ODAD2: variants seen among roughly 807,000 people sequenced by gnomAD.
ODAD2 encodes the protein outer dynein arm-docking complex subunit 2.
ODAD2 carries 89 observed loss-of-function variants against 106.8 expected under a neutral mutation model. That is an observed-to-expected ratio of 0.83 (90% confidence interval 0.70 to 0.99). The LOEUF is 0.99. ODAD2 is among the 50% of genes least tolerant of loss of function. The pLI is 0.00. For missense variants in ODAD2, 1,168 were observed against 1,238.5 expected, an observed-to-expected ratio of 0.94 and a Z score of 0.85; for synonymous variants, 404 against 436.2, an observed-to-expected ratio of 0.93 and a Z score of 0.92.
At chr10:27,866,491 T>A (rs1244863731) in intron 17 of ODAD2, among the ~76,000 whole-genome samples, 1 of 152,184 alleles carries the variant, frequency 6.6e-6, no homozygotes, top group Non-Finnish European at 1.5e-5. Context: ...TTTCCAAGGA[T>A]CATCTTGGTC....
chr10:27,862,404 G>A (rs1840110874), intron 18 of ODAD2, 30 bp downstream of exon 18: 2 of 1,546,318 alleles, frequency 1.3e-6, no homozygotes, highest in Non-Finnish European at 8.8e-7. Context: ...AGGACAATAT[G>A]CATGTAAAAC....
At chr10:27,827,509 T>C (rs531487224) in intron 19 of ODAD2, among the ~76,000 whole-genome samples, 6 of 151,906 alleles carry the variant, frequency 3.9e-5, no homozygotes, top group Admixed American at 3.3e-4. Flanking sequence ...TCTCTCCTCC[T>C]TAAATCCTGC....
At position 27,944,235 on chromosome 10, in the gene ODAD2, C is replaced by G; in HGVS notation, c.1730G>C (p.Gly577Ala). The G allele has an allele frequency of 6.2e-7, 1 of 1,612,080 alleles. No homozygotes were observed. Among genetic ancestry groups the G allele is most frequent in the Non-Finnish European group, 8.5e-7 (1 of 1,179,606 alleles). Residue 577 changes from glycine to alanine, a missense_variant, in exon 12 of 20, where the codon GGT (glycine) becomes GCT (alanine). By Grantham distance (60) the Gly-to-Ala change is moderately conservative (BLOSUM62 0). This residue lies in a region of ODAD2 where 701 missense variants were observed against 712.3 expected (regional missense o/e 0.98). Coordinates refer to ENST00000305242, the MANE Select transcript of ODAD2 (RefSeq NM_018076.5). ...ACGGCTACTCACCAGTTTGGTGATA[C>G]CCCCGTGCTGCCTCACCACCCGCCG... is the stretch of plus-strand genomic sequence containing the variant. ...RARRVVRQHG[G>A]ITKLVALLDC...
chr10:27,963,071 A>G (rs958966357), intron 9 of ODAD2, among the ~76,000 whole-genome samples: 1 of 151,200 alleles, frequency 6.6e-6, no homozygotes, highest in African/African-American at 2.4e-5. Context: ...GCAGTGGTGC[A>G]ATCTTGGCTC....
At chr10:27,909,817 G>GAAAAAAAA (rs35449629) in intron 16 of ODAD2, among the ~76,000 whole-genome samples, 4 of 56,380 alleles carry the variant, frequency 7.1e-5, no homozygotes, top group Non-Finnish European at 1.0e-4. Flanking sequence ...GTCTTCATTT[G>GAAAAAAAA]AAAAAAAAAA....
intron 7 of ODAD2, among the ~76,000 whole-genome samples, chr10:27,979,507 A>C (rs1849414028): frequency 1.3e-5 from 2 of 151,900 alleles, no homozygotes; most frequent in South Asian, 4.1e-4. Context: ...GCGAAATTCA[A>C]TCTTGATTTT....
intron 9 of ODAD2, among the ~76,000 whole-genome samples, chr10:27,962,097 T>A (rs1848181760): frequency 6.6e-6 from 1 of 152,018 alleles, no homozygotes; most frequent in Non-Finnish European, 1.5e-5. Context: ...AAAAAGGAAC[T>A]GCATGAGGTG....
chr10:27,820,175 G>A (rs912850223), intron 19 of ODAD2, among the ~76,000 whole-genome samples: 1 of 152,114 alleles, frequency 6.6e-6, no homozygotes, highest in African/African-American at 2.4e-5. Context: ...GTCGCTGGCT[G>A]ACCTCCATGG....
chr10:27,944,676 A>T, intron 11 of ODAD2, 140 bp downstream of exon 11: 1 of 1,101,932 alleles, frequency 9.1e-7, no homozygotes, highest in South Asian at 1.5e-5. Flanking sequence ...AGCTCAGTGA[A>T]CAGAATCAGC....
chr10:27,979,427 AATACACACACACACCC>A (rs999536893), intron 7 of ODAD2, among the ~76,000 whole-genome samples: 1 of 139,404 alleles, frequency 7.2e-6, no homozygotes, highest in African/African-American at 2.8e-5. Context: ...AAAACCTAAG[AATACACACACACACCC>A]ATACACACAC....
chr10:27,989,840 C>A (rs369493712), intron 2 of ODAD2, among the ~76,000 whole-genome samples: 4 of 151,990 alleles, frequency 2.6e-5, no homozygotes, highest in African/African-American at 9.7e-5. Flanking sequence ...CAGAGTGAGA[C>A]CCCCTCTCAA....
intron 19 of ODAD2, among the ~76,000 whole-genome samples, chr10:27,821,638 C>G (rs1236866419): frequency 6.6e-6 from 1 of 152,186 alleles, no homozygotes; most frequent in Non-Finnish European, 1.5e-5. Context: ...ATCACTAACA[C>G]ACGGAGCAAG....
intron 7 of ODAD2, among the ~76,000 whole-genome samples, chr10:27,977,390 C>T (rs1460467445): frequency 2.8e-5 from 4 of 145,060 alleles, no homozygotes; most frequent in African/African-American, 1.0e-4. Context: ...CGGTGAAACC[C>T]CATTTCTGCT....
At position 27,848,430 on chromosome 10, in the gene ODAD2, A is replaced by G. The variant is rs569792015; in HGVS notation, c.3021+12195T>C. On this transcript the variant is annotated intron_variant, in intron 19 of 19. Coordinates refer to ENST00000305242, the MANE Select transcript of ODAD2 (RefSeq NM_018076.5). ...TTATACAAAAATTGATTCAAGATGG[A>G]TTAAAGACCTAAAACCATACAAACC... 1.2e-3 allele frequency among the ~76,000 whole-genome samples: 188 copies of G among 152,366 alleles called. 2 individuals carry two copies. The highest frequency in any genetic ancestry group is 4.2e-3 in the African/African-American group (174 of 41,592).
intron 12 of ODAD2, among the ~76,000 whole-genome samples, chr10:27,942,987 A>G (rs1846564027): frequency 6.6e-6 from 1 of 152,180 alleles, no homozygotes; most frequent in Non-Finnish European, 1.5e-5. Flanking sequence ...TATTTATCCA[A>G]CAGGTATTTA....
chr10:27,965,067 T>A (rs1446723178), intron 9 of ODAD2, among the ~76,000 whole-genome samples: 1 of 151,994 alleles, frequency 6.6e-6, no homozygotes, highest in Non-Finnish European at 1.5e-5. Context: ...TAGGCCAAGA[T>A]TTGGTACTGG....
At chr10:27,939,798 C>T (rs547753837) in intron 14 of ODAD2, 99 bp downstream of exon 14, 3 of 542,130 alleles carry the variant, frequency 5.5e-6, no homozygotes, top group East Asian at 6.7e-5. Flanking sequence ...AATGCAGATT[C>T]CTGAGTCCCA....
At chr10:27,938,879 G>T (rs1243810771) in intron 14 of ODAD2, among the ~76,000 whole-genome samples, 1 of 151,948 alleles carries the variant, frequency 6.6e-6, no homozygotes, top group Admixed American at 6.6e-5. Context: ...GGAATACGGG[G>T]ACTGCAGGGC....
intron 19 of ODAD2, among the ~76,000 whole-genome samples, chr10:27,858,753 A>G (rs1023025009): frequency 7.2e-5 from 11 of 151,778 alleles, no homozygotes; most frequent in African/African-American, 2.7e-4. Flanking sequence ...CGAGTTGCAT[A>G]TACACCAGGC....
Sources: allele counts gnomAD v4.1 joint callset (sites outside exome capture counted in the v4.1 genomes callset), GRCh38; gene constraint gnomAD v4.1.1; regional missense constraint gnomAD v4.1.1; transcripts MANE v1.5; gene names NCBI Gene and HGNC (gene_info 2026-07-23, HGNC 2026-07-21).